Variants in OR2T2 observed in about 807,000 individuals in gnomAD.
The protein encoded by OR2T2 is olfactory receptor family 2 subfamily T member 2.
For missense variants in OR2T2, 138 were observed against 409.1 expected (o/e 0.34, Z 5.72); for synonymous variants, 50 against 162.7 (o/e 0.31, Z 5.27).
chr1:248,447,311 A>G (rs1424971740), intron 2 of OR2T2, among the ~76,000 whole-genome samples: 6 of 151,276 alleles, frequency 4.0e-5, no homozygotes, highest in Admixed American at 3.3e-4. Flanking sequence ...ACTTATGAGT[A>G]GCAATTAATA....
At chr1:248,446,472 C>T (rs572664880) in intron 1 of OR2T2, 117 bp from the exon 2 acceptor site, 1 of 144,784 alleles carries the variant, frequency 6.9e-6, no homozygotes, top group African/African-American at 2.8e-5. Context: ...CCTTACTCTC[C>T]ATTTCCTCTT....
chr1:248,449,499 C>G (rs1239730414), intron 2 of OR2T2, 107 bp downstream of exon 3: 8 of 148,432 alleles, frequency 5.4e-5, no homozygotes, highest in African/African-American at 2.1e-4. Flanking sequence ...CAGAGATTCT[C>G]CTTTCCCTCT....
intron 1 of OR2T2, among the ~76,000 whole-genome samples, chr1:248,446,328 G>C (rs1662648060): frequency 6.9e-6 from 1 of 145,006 alleles, no homozygotes; most frequent in Non-Finnish European, 1.5e-5. Flanking sequence ...AGCCCAGGGG[G>C]AGATGTGGAC....
At chr1:248,445,741 CTG>C (rs1302668140) in intron 1 of OR2T2, 72 bp downstream of exon 1, 4 of 152,056 alleles carry the variant, frequency 2.6e-5, no homozygotes, top group Admixed American at 6.5e-5. Flanking sequence ...AGGTATTACT[CTG>C]TAACTATTAG....
intron 2 of OR2T2, among the ~76,000 whole-genome samples, chr1:248,448,123 G>A (rs1293677505): frequency 2.0e-5 from 3 of 151,860 alleles, no homozygotes; most frequent in Non-Finnish European, 4.4e-5. Context: ...AGTTAGTGAA[G>A]CTGGCGATTT....
intron 2 of OR2T2, among the ~76,000 whole-genome samples, chr1:248,448,140 G>GC (rs1662711346): frequency 6.6e-6 from 1 of 151,238 alleles, no homozygotes; most frequent in Admixed American, 6.6e-5. Context: ...ATTTAGATGT[G>GC]CCAAAGAGAG....
intron 2 of OR2T2, among the ~76,000 whole-genome samples, chr1:248,450,043 A>AT (rs1410726508): frequency 1.4e-5 from 2 of 145,096 alleles, no homozygotes; most frequent in African/African-American, 5.7e-5. Flanking sequence ...GAAGTAACTG[A>AT]TGACATGTTT....
intron 2 of OR2T2, among the ~76,000 whole-genome samples, chr1:248,448,927 GTTAT>G (rs1459899931): frequency 1.5e-5 from 2 of 129,678 alleles, no homozygotes; most frequent in African/African-American, 2.8e-5. Context: ...GGCATTAGCT[GTTAT>G]TTGTGGCTAA....
At chr1:248,448,007 A>AC (rs1662707861) in intron 2 of OR2T2, among the ~76,000 whole-genome samples, 1 of 152,412 alleles carries the variant, frequency 6.6e-6, no homozygotes, top group African/African-American at 2.4e-5. Context: ...TGTCTATGCT[A>AC]CCCCCTGAGT....
intron 1 of OR2T2, among the ~76,000 whole-genome samples, chr1:248,446,232 G>GATAAA (rs767446413): frequency 0.071 from 9,412 of 132,714 alleles, 211 homozygotes; most frequent in East Asian, 0.19. Context: ...TGTGCCTTAA[G>GATAAA]ATCTTTTTTT....
intron 1 of OR2T2, among the ~76,000 whole-genome samples, chr1:248,446,147 C>T (rs1296856439): frequency 7.0e-6 from 1 of 143,314 alleles, no homozygotes; most frequent in African/African-American, 2.9e-5. Context: ...AGACTTCATG[C>T]TTGGAGGGAA....
At chr1:248,452,551 G>A (rs1662821389) in intron 2 of OR2T2, among the ~76,000 whole-genome samples, 2 of 129,252 alleles carry the variant, frequency 1.5e-5, no homozygotes, top group Non-Finnish European at 3.1e-5. Context: ...CATCCAGCCT[G>A]TAGAGTACAG....
At chr1:248,449,832 T>TTCTTTTTC (rs572066165) in intron 2 of OR2T2, among the ~76,000 whole-genome samples, 51 of 129,430 alleles carry the variant, frequency 3.9e-4, no homozygotes, top group African/African-American at 2.0e-3. Flanking sequence ...CTTTTTCTTT[T>TTCTTTTTC]TTTTTTTTTT....
intron 2 of OR2T2, 92 bp downstream of exon 3, chr1:248,449,484 C>T (rs1662740810): frequency 6.7e-6 from 1 of 148,216 alleles, no homozygotes; most frequent in Non-Finnish European, 1.5e-5. Context: ...TCACCTGGCA[C>T]CCTGCAGAGA....
chr1:248,446,700 G>A (rs1432598768), exon 2 of OR2T2: 3 of 148,026 alleles, frequency 2.0e-5, no homozygotes, highest in African/African-American at 8.0e-5. Context: ...CCACATCACA[G>A]CCCTCCTGCT....
intron 2 of OR2T2, among the ~76,000 whole-genome samples, chr1:248,447,592 A>T (rs1296366676): frequency 2.0e-5 from 3 of 150,814 alleles, no homozygotes; most frequent in Admixed American, 2.0e-4. Context: ...GACATTATTT[A>T]CATTGTCTCT....
exon 3 of OR2T2, chr1:248,454,990 A>C (rs1662902643): frequency 6.7e-6 from 1 of 150,260 alleles, no homozygotes; most frequent in Non-Finnish European, 1.5e-5. Context: ...CAACATCTTC[A>C]TTGATATGCT....
intron 2 of OR2T2, among the ~76,000 whole-genome samples, chr1:248,450,022 T>C (rs1770062): frequency 6.7e-6 from 1 of 149,000 alleles, no homozygotes; most frequent in African/African-American, 2.6e-5. Context: ...TGCTCGGAAC[T>C]GATGTAAACA....
intron 2 of OR2T2, among the ~76,000 whole-genome samples, chr1:248,447,216 A>G (rs1361149530): frequency 6.7e-6 from 1 of 149,832 alleles, no homozygotes; most frequent in Non-Finnish European, 1.5e-5. Context: ...GCGTTCATTC[A>G]TAAAAGCAGA....
Sources: gnomAD v4.1 joint callset for allele counts (sites outside exome capture counted in the v4.1 genomes callset) on GRCh38, gnomAD v4.1.1 for gene constraint, MANE v1.5 for transcripts, NCBI Gene and HGNC (gene_info 2026-07-23, HGNC 2026-07-21) for gene names.